LAMC3: variants seen among roughly 807,000 people sequenced by gnomAD.
The protein encoded by LAMC3 is laminin subunit gamma-3.
Under a neutral mutation model 173.8 loss-of-function variants are expected in LAMC3, and 128 were observed. The observed-to-expected ratio is 0.74, with a 90% CI of 0.64 to 0.85. The LOEUF is 0.85. Among genes scored for constraint, LAMC3 ranks in the 40% least tolerant of loss-of-function variants. The probability of loss-of-function intolerance (pLI) is 0.00; values close to 1 mark genes in which losing one functional copy is unlikely to be tolerated. For missense variants in LAMC3, 2,022 were observed against 2,156.0 expected (o/e 0.94, Z 1.23); for synonymous variants, 897 against 909.1 (o/e 0.99, Z 0.24).
chr9:131,054,826 A>AG (rs553129926), intron 11 of LAMC3, among the ~76,000 whole-genome samples: 15 of 86,790 alleles, frequency 1.7e-4, no homozygotes, highest in African/African-American at 7.6e-4. Context: ...GAAAGAAAGA[A>AG]GAAGGGAGGG....
intron 18 of LAMC3, 86 bp from the exon 19 acceptor site, chr9:131,072,544 G>A (rs1055112547): frequency 1.8e-6 from 2 of 1,104,420 alleles, no homozygotes; most frequent in East Asian, 2.5e-5. Flanking sequence ...GGGGAATGGA[G>A]GCCACAGAAG....
intron 3 of LAMC3, among the ~76,000 whole-genome samples, chr9:131,033,490 C>A (rs1025136240): frequency 2.2e-4 from 34 of 151,844 alleles, no homozygotes; most frequent in African/African-American, 8.2e-4. Context: ...AGGGGACGGC[C>A]AACGTGGCTG....
intron 12 of LAMC3, among the ~76,000 whole-genome samples, chr9:131,058,584 T>A (rs1240535344): frequency 6.6e-6 from 1 of 151,934 alleles, no homozygotes; most frequent in Non-Finnish European, 1.5e-5. Context: ...AGAAGGCTGC[T>A]GGGCATTTTT....
Position 131,039,450 on chromosome 9 carries a change from T to A in LAMC3, c.1283+202T>A, listed in dbSNP as rs116924374. 5.0e-3 allele frequency among the ~76,000 whole-genome samples: 758 copies of A among 152,058 alleles called. 5 individuals are homozygous for A. The highest frequency in any genetic ancestry group is 8.9e-3 in the Non-Finnish European group (606 of 67,996). The stretch of plus-strand genomic sequence containing the variant: ...ACCTTAATGAGACCAGGCTGAGCCC[T>A]GTGGAAGCTCAGCGGATCTTGCAGG... On this transcript the variant is annotated intron_variant, in intron 6 of 27. Transcript: ENST00000361069.
rs114654646 is a variant in LAMC3, at chr9:131,037,581, G to A, written c.976+1249G>A. 8.8e-3 allele frequency among the ~76,000 whole-genome samples: 1,343 copies of A among 152,218 alleles called. 15 individuals carry two copies. The highest frequency in any genetic ancestry group is 0.03 in the African/African-American group (1,263 of 41,530). ...TGCAGTGGCCCAATCATAGCTCACTGCAGCCTCGAATTCCTGGGTGCGTGT... is the reference window on the plus strand; with the variant it reads ...TGCAGTGGCCCAATCATAGCTCACTACAGCCTCGAATTCCTGGGTGCGTGT... On this transcript the variant is annotated intron_variant, in intron 4 of 27. Coordinates refer to ENST00000361069, the MANE Select transcript of LAMC3 (RefSeq NM_006059.4).
chr9:131,032,527 T>TCTCA (rs1833847835), intron 3 of LAMC3, among the ~76,000 whole-genome samples: 1 of 146,050 alleles, frequency 6.8e-6, no homozygotes, highest in Non-Finnish European at 1.5e-5. Flanking sequence ...TCTTGCTCTC[T>TCTCA]CTCGCTGTCT....
intron 6 of LAMC3, among the ~76,000 whole-genome samples, chr9:131,040,266 C>T (rs113928204): frequency 1.3e-5 from 2 of 152,024 alleles, no homozygotes; most frequent in Admixed American, 6.6e-5. Context: ...CAACCTCCGC[C>T]TCCCAGACTC....
At chr9:131,085,456 G>A in intron 24 of LAMC3, 68 bp from the exon 25 acceptor site, 7 of 1,536,522 alleles carry the variant, frequency 4.6e-6, no homozygotes, top group Non-Finnish European at 6.3e-6. Flanking sequence ...AGCTCTGCCA[G>A]CGGCTGCCTG....
At chr9:131,075,017 A>C (rs1304453035) in intron 20 of LAMC3, among the ~76,000 whole-genome samples, 1 of 151,708 alleles carries the variant, frequency 6.6e-6, no homozygotes, top group Non-Finnish European at 1.5e-5. Flanking sequence ...TATTCCCAGC[A>C]CTTTGGGAGG....
At chr9:131,050,963 G>A (rs1834272675) in intron 9 of LAMC3, among the ~76,000 whole-genome samples, 1 of 152,128 alleles carries the variant, frequency 6.6e-6, no homozygotes, top group Non-Finnish European at 1.5e-5. Context: ...GATTCTGGAG[G>A]CCGAATCGGA....
intron 1 of LAMC3, among the ~76,000 whole-genome samples, chr9:131,024,039 AT>A: frequency 6.8e-6 from 1 of 147,992 alleles, no homozygotes; most frequent in Admixed American, 6.7e-5. Flanking sequence ...CAGTTTATGT[AT>A]TTTTTCTTTT....
At chr9:131,012,975 A>G (rs1005524941) in intron 1 of LAMC3, among the ~76,000 whole-genome samples, 1 of 152,224 alleles carries the variant, frequency 6.6e-6, no homozygotes, top group Non-Finnish European at 1.5e-5. Context: ...TGGCAGCCCC[A>G]GCCCACCACC....
intron 20 of LAMC3, among the ~76,000 whole-genome samples, chr9:131,073,944 CTTTTTTTTTTTT>C (rs57877574): frequency 1.1e-5 from 1 of 90,826 alleles, no homozygotes; most frequent in African/African-American, 4.5e-5. Flanking sequence ...CTTTTCTTTT[CTTTTTTTTTTTT>C]TTTTTTTTGA....
chr9:131,059,157 C>T (rs1829754223), intron 12 of LAMC3, among the ~76,000 whole-genome samples: 3 of 151,566 alleles, frequency 2.0e-5, no homozygotes, highest in South Asian at 4.2e-4. Flanking sequence ...GATCGCGCCG[C>T]TGCACTCTGG....
At chr9:131,072,484 G>C in intron 18 of LAMC3, 146 bp from the exon 19 acceptor site, 1 of 712,710 alleles carries the variant, frequency 1.4e-6, no homozygotes, top group South Asian at 1.6e-5. Context: ...GGAAAATGGG[G>C]GTACTCTGCC....
At position 131,083,333 on chromosome 9, in the gene LAMC3, T is replaced by A. The variant is rs150610195; in HGVS notation, c.4030+1172T>A. Among the ~76,000 whole-genome samples the A allele has an allele frequency of 7.2e-3, 1,094 of 152,282 alleles. 48 individuals carry two copies. The highest frequency in any genetic ancestry group is 0.061 in the Admixed American group (936 of 15,288). On this transcript the variant is annotated intron_variant, in intron 24 of 27. Transcript: ENST00000361069. ...CTGTTCCCATAATCCACAGGAGGGC[T>A]AACCTCAAACCTCTAACCCCAGGCT...
At chr9:131,040,182 CTA>C (rs1219227537) in intron 6 of LAMC3, among the ~76,000 whole-genome samples, 1 of 143,662 alleles carries the variant, frequency 7.0e-6, no homozygotes, top group African/African-American at 3.0e-5. Context: ...CCCACTATCT[CTA>C]TTTTTTTTTT....
At chr9:131,068,398 C>A (rs4740406) in intron 15 of LAMC3, among the ~76,000 whole-genome samples, 167 bp downstream of exon 15, 3 of 152,194 alleles carry the variant, frequency 2.0e-5, no homozygotes, top group East Asian at 1.9e-4. Flanking sequence ...TCTTGGCATC[C>A]GACTCATGCT....
intron 1 of LAMC3, among the ~76,000 whole-genome samples, chr9:131,011,106 A>G (rs1239359917): frequency 6.6e-6 from 1 of 152,236 alleles, no homozygotes; most frequent in Non-Finnish European, 1.5e-5. Flanking sequence ...TGCTAGTGAG[A>G]ATGAATATTC....
Sources: allele counts gnomAD v4.1 joint callset (sites outside exome capture counted in the v4.1 genomes callset), GRCh38; gene constraint gnomAD v4.1.1; transcripts MANE v1.5; gene names NCBI Gene and HGNC (gene_info 2026-07-23, HGNC 2026-07-21).